Variants in PCDH7 observed in about 807,000 individuals in gnomAD.
PCDH7 encodes protocadherin-7.
Under a neutral mutation model 58.9 loss-of-function variants are expected in PCDH7, and 17 were observed. That is an observed-to-expected ratio of 0.29 (90% confidence interval 0.20 to 0.43). The LOEUF (loss-of-function observed/expected upper bound fraction) is 0.43. Ranked by LOEUF, PCDH7 falls within the 20% of genes least tolerant of loss-of-function variation. The pLI is 1.00. For synonymous variants in PCDH7, 664 were observed against 616.4 expected (o/e 1.08, Z -1.14); for missense variants, 1,274 against 1,441.0 (o/e 0.88, Z 1.88).
intron 1 of PCDH7, among the ~76,000 whole-genome samples, chr4:30,896,990 T>C (rs868485953): frequency 1.4e-5 from 2 of 141,318 alleles, no homozygotes; most frequent in South Asian, 2.4e-4. Flanking sequence ...CTGCAAGCTC[T>C]GCCTCCCGAG....
Position 30,960,294 on chromosome 4 carries a change from A to T in PCDH7, c.*7+10079A>T, listed in dbSNP as rs146194659. On this transcript the variant is annotated intron_variant, in intron 3 of 3. Coordinates refer to the PCDH7 transcript ENST00000509759. ...TAGAATATTTTGCCATTAAAATAGG[A>T]TTATCTCTTCGAGACATGCTTTTGG... is the stretch of plus-strand genomic sequence containing the variant. Among the ~76,000 whole-genome samples the T allele has an allele frequency of 8.3e-3, 1,264 of 152,248 alleles. 12 individuals are homozygous for T. Among genetic ancestry groups the T allele is most frequent in the Non-Finnish European group, 0.012 (843 of 68,026 alleles).
Position 30,761,483 on chromosome 4 carries a change from A to G in PCDH7, c.70+36887A>G, listed in dbSNP as rs1035205923. On this transcript the variant is annotated intron_variant, in intron 1 of 3. Coordinates refer to the PCDH7 transcript ENST00000509759. ...CATATATCCAGTATACTATCATTCA[A>G]TATTTAATCAATGTAAAATTATTAA... Among the ~76,000 whole-genome samples the G allele has an allele frequency of 3.3e-5, 5 of 152,164 alleles. No homozygotes were observed. In the East Asian group the frequency reaches 7.7e-4, roughly 23 times the overall value.
At chr4:31,146,490 G>A (rs1361878722), downstream of PCDH7, 1 of 151,962 alleles carries the variant, frequency 6.6e-6, no homozygotes, top group Admixed American at 6.6e-5. Flanking sequence ...AGCTACCTAG[G>A]GTTTACTTTC....
intron 3 of PCDH7, among the ~76,000 whole-genome samples, chr4:31,118,746 A>G (rs1717295994): frequency 6.6e-6 from 1 of 152,192 alleles, no homozygotes; most frequent in African/African-American, 2.4e-5. Context: ...GATACCTAAA[A>G]CACTAACATA....
chr4:30,973,107 A>G lies in PCDH7; in HGVS notation c.*7+22892A>G, dbSNP rs567881431. On this transcript the variant is annotated intron_variant, in intron 3 of 3. Transcript: ENST00000509759. ...AATGTGGAAATAGGATTAAATTCTT[A>G]ATAAGTTTGCCTTTAAATGGCCAAG... Among the ~76,000 whole-genome samples the G allele has an allele frequency of 4.8e-4, 73 of 152,360 alleles. 1 individual carries two copies. Among genetic ancestry groups the G allele is most frequent in the African/African-American group, 1.7e-3 (70 of 41,596 alleles).
intron 3 of PCDH7, among the ~76,000 whole-genome samples, chr4:31,042,653 C>A (rs775519684): frequency 1.3e-4 from 20 of 151,866 alleles, no homozygotes; most frequent in Non-Finnish European, 2.9e-4. Flanking sequence ...TAGGGAGAGA[C>A]AATTGCACAA....
chr4:31,029,327 C>T (rs1754706327), intron 3 of PCDH7, among the ~76,000 whole-genome samples: 1 of 152,178 alleles, frequency 6.6e-6, no homozygotes, highest in Non-Finnish European at 1.5e-5. Flanking sequence ...TAGCTTGCTT[C>T]TGAAGATGGT....
chr4:30,728,245 TTGTG>T (rs138265687), intron 1 of PCDH7, among the ~76,000 whole-genome samples: 17,699 of 146,354 alleles, frequency 0.12, 1,384 homozygotes, highest in East Asian at 0.31. Flanking sequence ...GTCAATTCAT[TTGTG>T]TGTGTGTGTG....
intron 1 of PCDH7, among the ~76,000 whole-genome samples, chr4:30,817,616 C>T (rs368023108): frequency 6.6e-5 from 10 of 151,454 alleles, no homozygotes; most frequent in South Asian, 6.3e-4. Context: ...CCTTCTGAGA[C>T]GACTATTCAA....
intron 1 of PCDH7, among the ~76,000 whole-genome samples, chr4:30,776,654 T>C (rs1438437032): frequency 1.3e-5 from 2 of 152,170 alleles, no homozygotes; most frequent in Non-Finnish European, 2.9e-5. Flanking sequence ...AGAATTATCA[T>C]TGAAAAAAAT....
At chr4:30,871,196 G>A (rs1441959925) in intron 1 of PCDH7, among the ~76,000 whole-genome samples, 2 of 152,070 alleles carry the variant, frequency 1.3e-5, no homozygotes, top group South Asian at 2.1e-4. Context: ...TGTGGTTAAT[G>A]TAATTGTAGC....
intron 3 of PCDH7, among the ~76,000 whole-genome samples, chr4:31,038,406 A>G (rs979523053): frequency 2.6e-5 from 4 of 152,200 alleles, no homozygotes; most frequent in Non-Finnish European, 4.4e-5. Context: ...TGATGAAACC[A>G]AATATTTCTT....
At chr4:30,880,708 T>C (rs1028331291) in intron 1 of PCDH7, among the ~76,000 whole-genome samples, 3 of 152,126 alleles carry the variant, frequency 2.0e-5, no homozygotes, top group African/African-American at 7.2e-5. Context: ...CCTCTCCTTT[T>C]TGGCAAAAAT....
At chr4:30,848,797 A>G (rs1732331939) in intron 1 of PCDH7, among the ~76,000 whole-genome samples, 1 of 152,100 alleles carries the variant, frequency 6.6e-6, no homozygotes, top group South Asian at 2.1e-4. Context: ...ACAGCTTATC[A>G]GTACTTACAG....
At chr4:30,851,289 C>T (rs920815850) in intron 1 of PCDH7, among the ~76,000 whole-genome samples, 2 of 151,760 alleles carry the variant, frequency 1.3e-5, no homozygotes, top group Admixed American at 6.6e-5. Context: ...TTAGACTTAC[C>T]TACTTTTGAA....
At chr4:31,126,091 G>A (rs556976016) in intron 3 of PCDH7, among the ~76,000 whole-genome samples, 1 of 149,332 alleles carries the variant, frequency 6.7e-6, no homozygotes, top group Non-Finnish European at 1.5e-5. Flanking sequence ...TATACAACTA[G>A]TCTATTTCTT....
At chr4:31,144,852 T>C (rs546008192), downstream of PCDH7, 1 of 152,282 alleles carries the variant, frequency 6.6e-6, no homozygotes, top group African/African-American at 2.4e-5. Context: ...AACATGTTTA[T>C]GTTTGATTAT....
At chr4:31,021,581 C>A (rs181790811) in intron 3 of PCDH7, among the ~76,000 whole-genome samples, 30 of 152,180 alleles carry the variant, frequency 2.0e-4, no homozygotes, top group African/African-American at 7.2e-4. Context: ...TGGCTTTCTG[C>A]GGGACTCAAA....
chr4:31,019,003 A>G (rs1023063846), intron 3 of PCDH7, among the ~76,000 whole-genome samples: 3 of 152,218 alleles, frequency 2.0e-5, no homozygotes, highest in Admixed American at 6.5e-5. Context: ...GTGAGAGTGT[A>G]TATATCTGCA....
Sources: gnomAD v4.1 joint callset for allele counts (sites outside exome capture counted in the v4.1 genomes callset) on GRCh38, gnomAD v4.1.1 for gene constraint, MANE v1.5 for transcripts, NCBI Gene and HGNC (gene_info 2026-07-23, HGNC 2026-07-21) for gene names.